Variants in AUTS2 observed in about 807,000 individuals in gnomAD.
AUTS2 encodes autism susceptibility gene 2 protein.
A neutral mutation model predicts 112.4 loss-of-function variants in AUTS2; 17 were observed. The observed-to-expected ratio is 0.15, with a 90% CI of 0.10 to 0.23. The LOEUF (loss-of-function observed/expected upper bound fraction) is 0.23. Ranked by LOEUF, AUTS2 falls within the 10% of genes least tolerant of loss-of-function variation. AUTS2 has a pLI of 1.00. For missense variants in AUTS2, 1,510 were observed against 1,701.6 expected, an observed-to-expected ratio of 0.89 and a Z score of 1.98; for synonymous variants, 751 against 702.7, an observed-to-expected ratio of 1.07 and a Z score of -1.09.
intron 4 of AUTS2, among the ~76,000 whole-genome samples, chr7:70,137,405 T>G (rs1806623948): frequency 6.6e-6 from 1 of 152,054 alleles, no homozygotes; most frequent in Non-Finnish European, 1.5e-5. Context: ...CGATTTGCTT[T>G]TTTTTTTTCT....
rs118013641 is a variant in AUTS2 at position 70,390,031 on chromosome 7, G to A, written c.661-45721G>A. 2.2e-3 allele frequency among the ~76,000 whole-genome samples: 333 copies of A among 152,312 alleles called. 3 individuals carry two copies. The East Asian group carries it at 0.048, about 22-fold the overall frequency. Reference sequence around the variant, plus strand: ...CTTATCTTTCTCAGAAGAGTCAGGAGTAAGAGAGGATATGTGCTTTCTTAT... The same window carrying A: ...CTTATCTTTCTCAGAAGAGTCAGGAATAAGAGAGGATATGTGCTTTCTTAT... On this transcript the variant is annotated intron_variant, in intron 4 of 18. Transcript: ENST00000342771.
chr7:70,209,642 A>T (rs1810754487), intron 4 of AUTS2, among the ~76,000 whole-genome samples: 1 of 152,224 alleles, frequency 6.6e-6, no homozygotes, highest in African/African-American at 2.4e-5. Flanking sequence ...AGCATGGATC[A>T]TGGCAAAAGA....
chr7:70,747,800 C>CTTTATCTTAT (rs1788552900), intron 6 of AUTS2, among the ~76,000 whole-genome samples: 1 of 146,188 alleles, frequency 6.8e-6, no homozygotes, highest in South Asian at 2.2e-4. Flanking sequence ...GAGCTCATTT[C>CTTTATCTTAT]TTTATTTTAT....
intron 2 of AUTS2, among the ~76,000 whole-genome samples, chr7:70,113,573 G>A (rs1271969827): frequency 6.6e-6 from 1 of 152,152 alleles, no homozygotes; most frequent in African/African-American, 2.4e-5. Context: ...CATTCCTACA[G>A]AAAAACTCAG....
rs1789663061 is a variant in AUTS2 at position 70,762,989 on chromosome 7, C to G, written c.862C>G (p.Pro288Ala). The change falls in exon 7 of 19, where the codon CCA becomes GCA. Residue 288 changes from proline to alanine, a missense_variant. This residue lies in a region of AUTS2 where 535 missense variants were observed against 594.3 expected (regional missense o/e 0.90). Coordinates refer to ENST00000342771, the MANE Select transcript of AUTS2 (RefSeq NM_015570.4). The part of the protein sequence containing the change: ...QEKSQDCCKE[P>A]IFEPVVLKDP... Reference sequence around the variant, plus strand: ...GAAGAGCCAGGACTGTTGCAAAGAGCCAATCTTTGAGCCTGTGGTGCTTAA... The same window carrying G: ...GAAGAGCCAGGACTGTTGCAAAGAGGCAATCTTTGAGCCTGTGGTGCTTAA... 3.1e-6 allele frequency: 5 copies of G among 1,614,108 alleles called. No homozygotes were observed. In the East Asian group the frequency reaches 1.1e-4, roughly 36 times the overall value.
At chr7:69,715,227 T>TA (rs61555118) in intron 1 of AUTS2, among the ~76,000 whole-genome samples, 77,036 of 128,864 alleles carry the variant, frequency 0.6, 22,506 homozygotes, top group East Asian at 0.67. Context: ...CAGGCATAAG[T>TA]AAAAAAAAAA....
chr7:69,799,961 A>C (rs1235310519), intron 1 of AUTS2, among the ~76,000 whole-genome samples: 1 of 152,208 alleles, frequency 6.6e-6, no homozygotes, highest in African/African-American at 2.4e-5. Context: ...TTAAAATCTA[A>C]AGATAATGAA....
At chr7:69,715,999 G>C (rs141179490) in intron 1 of AUTS2, among the ~76,000 whole-genome samples, 1 of 152,168 alleles carries the variant, frequency 6.6e-6, no homozygotes, top group Non-Finnish European at 1.5e-5. Context: ...CCACTACACT[G>C]TCTGGCTGAT....
At chr7:69,713,338 T>TAGTGC (rs1272737275) in intron 1 of AUTS2, among the ~76,000 whole-genome samples, 1 of 151,936 alleles carries the variant, frequency 6.6e-6, no homozygotes, top group Non-Finnish European at 1.5e-5. Context: ...AGTTACCCTA[T>TAGTGC]AGTGCAAGAG....
intron 2 of AUTS2, among the ~76,000 whole-genome samples, chr7:70,001,702 A>G (rs879838839): frequency 6.4e-4 from 95 of 149,222 alleles, no homozygotes; most frequent in Admixed American, 2.6e-3. Context: ...TTATAGCCTC[A>G]TTGTCATATT....
chr7:69,951,507 A>G (rs1797025240), intron 2 of AUTS2, among the ~76,000 whole-genome samples: 1 of 152,196 alleles, frequency 6.6e-6, no homozygotes, highest in Admixed American at 6.5e-5. Context: ...CCTCTCTAAT[A>G]CCAGAGATAG....
chr7:70,752,083 T>C (rs541047189), intron 6 of AUTS2, among the ~76,000 whole-genome samples: 1 of 151,956 alleles, frequency 6.6e-6, no homozygotes, highest in African/African-American at 2.4e-5. Context: ...TAGTACACAG[T>C]GTCATGTGAG....
At chr7:69,737,900 C>G (rs1485594149) in intron 1 of AUTS2, among the ~76,000 whole-genome samples, 3 of 152,210 alleles carry the variant, frequency 2.0e-5, no homozygotes, top group African/African-American at 7.2e-5. Flanking sequence ...TGGGTATATT[C>G]TGCCAAATCA....
chr7:69,887,340 C>T (rs774630160), intron 1 of AUTS2, among the ~76,000 whole-genome samples: 3 of 148,858 alleles, frequency 2.0e-5, no homozygotes, highest in African/African-American at 5.0e-5. Context: ...CATGTGAACC[C>T]GGGAGGTGGA....
chr7:70,070,408 T>TAAA lies in AUTS2; in HGVS notation c.523-47705_523-47703dup, dbSNP rs58320845. Among the ~76,000 whole-genome samples the TAAA allele has an allele frequency of 7.2e-3, 928 of 128,396 alleles. 8 individuals are homozygous for TAAA. The highest frequency in any genetic ancestry group is 0.049 in the East Asian group (220 of 4,460). 84.2% of individuals were successfully genotyped at this position (128,396 alleles called of 152,430 possible). A position where few individuals can be genotyped will look rare whatever the true frequency, so the allele number is the denominator to read the frequency against. On this transcript the variant is annotated intron_variant, in intron 2 of 18. Transcript: ENST00000342771. ...GCCAACATGGCAAAACCCCGTCTCTTAAAAAAAAAAAAAAAAAAAAATTAG... is the reference window on the plus strand; with the variant it reads ...GCCAACATGGCAAAACCCCGTCTCTTAAAAAAAAAAAAAAAAAAAAAAAATTAG...
At chr7:70,154,201 T>G (rs1015050743) in intron 4 of AUTS2, among the ~76,000 whole-genome samples, 2 of 152,158 alleles carry the variant, frequency 1.3e-5, no homozygotes, top group Non-Finnish European at 2.9e-5. Context: ...CAAATCACCT[T>G]TTACCTATGT....
At chr7:70,189,572 T>C (rs564471889) in intron 4 of AUTS2, among the ~76,000 whole-genome samples, 9 of 152,308 alleles carry the variant, frequency 5.9e-5, no homozygotes, top group Admixed American at 5.9e-4. Flanking sequence ...GGACAATCAG[T>C]GTAGCCCTGT....
chr7:70,460,380 C>T (rs1585171798), intron 5 of AUTS2, among the ~76,000 whole-genome samples: 2 of 105,928 alleles, frequency 1.9e-5, no homozygotes, highest in Admixed American at 1.5e-4. Flanking sequence ...GATGGAGTTT[C>T]GCTTGTGTCA....
intron 5 of AUTS2, among the ~76,000 whole-genome samples, chr7:70,632,648 C>G (rs1451686576): frequency 1.3e-5 from 2 of 152,068 alleles, no homozygotes; most frequent in Admixed American, 1.3e-4. Flanking sequence ...CCATCCATCA[C>G]CCTCCTCTCT....
Sources: gnomAD v4.1 joint callset for allele counts (sites outside exome capture counted in the v4.1 genomes callset) on GRCh38, gnomAD v4.1.1 for gene constraint, gnomAD v4.1.1 regional missense constraint, MANE v1.5 for transcripts, NCBI Gene and HGNC (gene_info 2026-07-23, HGNC 2026-07-21) for gene names.